MECOM: variants seen among roughly 807,000 people sequenced by gnomAD.
MECOM encodes the protein histone-lysine N-methyltransferase MECOM.
A neutral mutation model predicts 116.3 loss-of-function variants in MECOM; 13 were observed. The observed-to-expected ratio is 0.11, with a 90% CI of 0.07 to 0.18. The LOEUF (loss-of-function observed/expected upper bound fraction) is 0.18, where lower values mean the gene tolerates loss of function less well. Ranked by LOEUF, MECOM falls within the 10% of genes least tolerant of loss-of-function variation. The pLI, the probability that MECOM is intolerant of heterozygous loss-of-function variation, is 1.00. For synonymous variants in MECOM, 528 were observed against 535.2 expected (o/e 0.99, Z 0.19); for missense variants, 1,299 against 1,509.0 (o/e 0.86, Z 2.31).
chr3:169,200,312 AAT>A (rs1233807076), intron 2 of MECOM, among the ~76,000 whole-genome samples: 1 of 152,108 alleles, frequency 6.6e-6, no homozygotes, highest in Non-Finnish European at 1.5e-5. Context: ...CTTAAATCAA[AAT>A]TTGAGAATTG....
intron 2 of MECOM, among the ~76,000 whole-genome samples, chr3:169,332,005 T>TAAAAAA (rs10551909): frequency 7.3e-6 from 1 of 137,534 alleles, no homozygotes. Context: ...CTTTTTTATT[T>TAAAAAA]AAAAAAAAAA....
At chr3:169,192,261 T>A (rs973396486) in intron 2 of MECOM, among the ~76,000 whole-genome samples, 1 of 152,032 alleles carries the variant, frequency 6.6e-6, no homozygotes, top group African/African-American at 2.4e-5. Flanking sequence ...AGAGCCCATA[T>A]CTTTTAGGTA....
At chr3:169,540,604 T>C (rs1464870205) in intron 1 of MECOM, among the ~76,000 whole-genome samples, 3 of 152,190 alleles carry the variant, frequency 2.0e-5, no homozygotes, top group Non-Finnish European at 4.4e-5. Flanking sequence ...TCTTTTTCAT[T>C]CATTCTTTTC....
chr3:169,206,963 A>T (rs1451904384), intron 2 of MECOM, among the ~76,000 whole-genome samples: 3 of 152,216 alleles, frequency 2.0e-5, no homozygotes, highest in Non-Finnish European at 4.4e-5. Flanking sequence ...TATAAAAATC[A>T]TGTTTAATAA....
At chr3:169,563,642 C>G (rs761528159) in intron 1 of MECOM, among the ~76,000 whole-genome samples, 1 of 152,160 alleles carries the variant, frequency 6.6e-6, no homozygotes, top group African/African-American at 2.4e-5. Context: ...ACTTGCAAGT[C>G]ATGCTTCATT....
At chr3:169,632,812 C>A (rs564862122) in intron 1 of MECOM, among the ~76,000 whole-genome samples, 1 of 152,148 alleles carries the variant, frequency 6.6e-6, no homozygotes. Flanking sequence ...TTTTCCGAGG[C>A]CCTATCTGAA....
chr3:169,266,715 C>A (rs769683855), intron 2 of MECOM, among the ~76,000 whole-genome samples: 1 of 152,168 alleles, frequency 6.6e-6, no homozygotes, highest in Non-Finnish European at 1.5e-5. Flanking sequence ...AAAGGAAAAA[C>A]TTCTGTCAAA....
chr3:169,415,122 G>A (rs559921753), intron 1 of MECOM, among the ~76,000 whole-genome samples: 10 of 152,138 alleles, frequency 6.6e-5, no homozygotes, highest in African/African-American at 1.4e-4. Flanking sequence ...TTTGTTAAGG[G>A]CAGCCAGAGA....
At chr3:169,336,539 AATTCCAGGCC>A (rs1723617421) in intron 2 of MECOM, among the ~76,000 whole-genome samples, 1 of 152,110 alleles carries the variant, frequency 6.6e-6, no homozygotes, top group Non-Finnish European at 1.5e-5. Flanking sequence ...AATATGCATC[AATTCCAGGCC>A]ATTTGTCTCA....
chr3:169,241,308 C>A (rs969682970), intron 2 of MECOM, among the ~76,000 whole-genome samples: 1 of 152,014 alleles, frequency 6.6e-6, no homozygotes, highest in African/African-American at 2.4e-5. Context: ...ATGAAACAGA[C>A]CCCCTCCATC....
chr3:169,459,817 T>C (rs1444582583), intron 1 of MECOM, among the ~76,000 whole-genome samples: 2 of 152,172 alleles, frequency 1.3e-5, no homozygotes, highest in African/African-American at 4.8e-5. Flanking sequence ...TGGATTCTTA[T>C]AGTTTCTGAA....
intron 1 of MECOM, among the ~76,000 whole-genome samples, chr3:169,534,007 C>T (rs1391922332): frequency 5.3e-5 from 8 of 152,142 alleles, no homozygotes; most frequent in Admixed American, 1.3e-4. Flanking sequence ...TGAAGACTAA[C>T]GTTTAGGTTT....
At chr3:169,527,164 T>C (rs1159101160) in intron 1 of MECOM, among the ~76,000 whole-genome samples, 1 of 152,248 alleles carries the variant, frequency 6.6e-6, no homozygotes, top group African/African-American at 2.4e-5. Flanking sequence ...CAGGCTCTTA[T>C]GCTGGCCACC....
At chr3:169,510,167 G>A (rs939431807) in intron 1 of MECOM, among the ~76,000 whole-genome samples, 1 of 152,214 alleles carries the variant, frequency 6.6e-6, no homozygotes, top group African/African-American at 2.4e-5. Context: ...ATCCAGATCA[G>A]GAGGGCTGGG....
chr3:169,181,548 G>A (rs1355187218), intron 2 of MECOM, among the ~76,000 whole-genome samples: 1 of 152,126 alleles, frequency 6.6e-6, no homozygotes, highest in African/African-American at 2.4e-5. Flanking sequence ...TTAAAAACCT[G>A]CTACTAAAAA....
intron 2 of MECOM, among the ~76,000 whole-genome samples, chr3:169,208,555 C>A (rs1211134347): frequency 6.6e-6 from 1 of 151,780 alleles, no homozygotes; most frequent in Non-Finnish European, 1.5e-5. Context: ...GTAATGGCAG[C>A]ACTTAGGACA....
intron 1 of MECOM, among the ~76,000 whole-genome samples, chr3:169,486,979 C>A (rs1057356469): frequency 3.1e-4 from 47 of 151,896 alleles, no homozygotes; most frequent in African/African-American, 1.0e-3. Context: ...ATTTTTAAAT[C>A]ATCAAGTTCT....
chr3:169,183,988 C>T (rs1746388893), intron 2 of MECOM, among the ~76,000 whole-genome samples: 1 of 151,910 alleles, frequency 6.6e-6, no homozygotes, highest in African/African-American at 2.4e-5. Context: ...CCTCAGCCTC[C>T]CGAATAGCTG....
chr3:169,187,614 C>T (rs1266406695), intron 2 of MECOM, among the ~76,000 whole-genome samples: 4 of 151,948 alleles, frequency 2.6e-5, no homozygotes, highest in African/African-American at 9.7e-5. Context: ...AAACTAATTC[C>T]CTGGGTAATA....
Sources: allele counts gnomAD v4.1 joint callset (sites outside exome capture counted in the v4.1 genomes callset), GRCh38; gene constraint gnomAD v4.1.1; transcripts MANE v1.5; gene names NCBI Gene and HGNC (gene_info 2026-07-23, HGNC 2026-07-21).